SLC37A3: variants seen among roughly 807,000 people sequenced by gnomAD.
SLC37A3 encodes solute carrier family 37 member 3, also known as sugar phosphate exchanger 3.
SLC37A3 carries 51 observed loss-of-function variants against 67.1 expected under a neutral mutation model. That is an observed-to-expected ratio of 0.76 (90% confidence interval 0.61 to 0.96). The LOEUF is 0.96. SLC37A3 is among the 40% of genes least tolerant of loss of function. SLC37A3 has a pLI of 0.00. For missense variants in SLC37A3, 508 were observed against 603.0 expected (o/e 0.84, Z 1.65); for synonymous variants, 214 against 231.4 (o/e 0.92, Z 0.68).
chr7:140,362,404 G>A (rs1167093983), intron 5 of SLC37A3, among the ~76,000 whole-genome samples: 9 of 111,970 alleles, frequency 8.0e-5, no homozygotes, highest in Admixed American at 2.6e-4. Flanking sequence ...CAGCCGCCCC[G>A]TCCGGGAGGG....
chr7:140,360,165 T>C (rs556138941), intron 5 of SLC37A3, among the ~76,000 whole-genome samples: 7 of 152,184 alleles, frequency 4.6e-5, no homozygotes, highest in East Asian at 3.9e-4. Context: ...CTGGGCAATA[T>C]AGTGAGACCC....
intron 5 of SLC37A3, among the ~76,000 whole-genome samples, chr7:140,361,269 G>A (rs974312162): frequency 4.6e-5 from 7 of 151,514 alleles, no homozygotes; most frequent in Non-Finnish European, 4.4e-5. Context: ...GATCACCTGA[G>A]GTCGGGAGTT....
Position 140,351,264 on chromosome 7 carries a change from G to C in SLC37A3, c.882+9C>G, listed in dbSNP as rs111884910. 33 of 1,611,974 alleles carry C rather than the reference G, an allele frequency of 2.0e-5. No individual in the cohort carries two copies. The highest frequency in any genetic ancestry group is 2.7e-5 in the Non-Finnish European group (32 of 1,178,852). On this transcript the variant is annotated intron_variant, in intron 9 of 14. Coordinates refer to ENST00000326232, the MANE Select transcript of SLC37A3 (RefSeq NM_207113.3). ...TCCCTGGCTGTGGTAAGATGTAAGC[G>C]GTCCTTACCGGTATGACTCCAGGAA...
chr7:140,365,290 T>C (rs1797553468), intron 4 of SLC37A3, among the ~76,000 whole-genome samples: 1 of 152,208 alleles, frequency 6.6e-6, no homozygotes, highest in Admixed American at 6.5e-5. Context: ...GTGTTTCTAA[T>C]AAATTGACTA....
Position 140,348,609 on chromosome 7 carries a change from A to T in SLC37A3, c.1024+17T>A. The T allele has an allele frequency of 6.3e-7, 1 of 1,591,306 alleles. No individual in the cohort carries two copies. Among genetic ancestry groups the T allele is most frequent in the Non-Finnish European group, 8.5e-7 (1 of 1,172,730 alleles). On this transcript the variant is annotated intron_variant, in intron 10 of 14. Coordinates refer to ENST00000326232, the MANE Select transcript of SLC37A3 (RefSeq NM_207113.3). The stretch of plus-strand genomic sequence containing the variant: ...TGACTAACTCTTTATTATGGAAAAG[A>T]TGTATCACCGGCATACCTATGATCC...
intron 5 of SLC37A3, among the ~76,000 whole-genome samples, chr7:140,361,505 C>T (rs1390047658): frequency 3.4e-5 from 2 of 58,382 alleles, no homozygotes; most frequent in Non-Finnish European, 6.6e-5. Flanking sequence ...CTCCCCCTCC[C>T]CCTCCCCCTC....
chr7:140,364,582 A>G, intron 4 of SLC37A3, 91 bp from the exon 5 acceptor site: 1 of 1,192,018 alleles, frequency 8.4e-7, no homozygotes, highest in Non-Finnish European at 1.2e-6. Flanking sequence ...ACAAACACAG[A>G]TATTATTTAA....
chr7:140,335,159 T>C lies in SLC37A3; in HGVS notation c.*253A>G, dbSNP rs1436331596. 2.7e-6 allele frequency: 4 copies of C among 1,471,612 alleles called. No individual in the cohort carries two copies. The highest frequency in any genetic ancestry group is 2.0e-5 in the Admixed American group (1 of 50,746). The allele number at this position is 1,471,612 out of a possible 1,614,324, so 91.2% of individuals were successfully genotyped here. On this transcript the variant is annotated 3_prime_UTR_variant, in exon 15 of 15. Transcript: ENST00000326232. ...CGCGGGCAGAGTCAGAGGTCAAAGA[T>C]GCTGGCAGAGTCAGAAGTCACTCGG...
chr7:140,372,895 T>C (rs893312756), intron 3 of SLC37A3, among the ~76,000 whole-genome samples: 3 of 152,012 alleles, frequency 2.0e-5, no homozygotes, highest in African/African-American at 7.2e-5. Context: ...CGTAAGACTG[T>C]CCTTCATGAA....
chr7:140,347,922 G>A (rs574604098), intron 10 of SLC37A3, among the ~76,000 whole-genome samples: 2 of 152,148 alleles, frequency 1.3e-5, no homozygotes, highest in South Asian at 2.1e-4. Flanking sequence ...CATGACCCCC[G>A]TGGATACCTG....
chr7:140,360,078 G>A (rs1365889060), intron 5 of SLC37A3, among the ~76,000 whole-genome samples: 1 of 152,200 alleles, frequency 6.6e-6, no homozygotes, highest in East Asian at 1.9e-4. Context: ...CAAACGCAGG[G>A]ACTTGTGCCG....
intron 10 of SLC37A3, 161 bp downstream of exon 10, chr7:140,348,462 CTTT>C (rs66700092): frequency 1.0e-2 from 3,582 of 359,570 alleles, no homozygotes; most frequent in East Asian, 0.011. Flanking sequence ...CTTTTCTTTT[CTTT>C]TTTTTTTTTT....
chr7:140,337,176 G>C, intron 14 of SLC37A3, 108 bp downstream of exon 14: 1 of 627,564 alleles, frequency 1.6e-6, no homozygotes, highest in Admixed American at 3.9e-5. Flanking sequence ...TTTTCACAAA[G>C]GAGCCTTTAA....
chr7:140,340,335 C>A (rs375673760), intron 13 of SLC37A3, among the ~76,000 whole-genome samples: 119 of 149,896 alleles, frequency 7.9e-4, no homozygotes, highest in Middle Eastern at 3.4e-3. Context: ...TCAGCTCCAA[C>A]TTCATTCTTT....
At chr7:140,376,614 G>C (rs1199311047) in intron 3 of SLC37A3, among the ~76,000 whole-genome samples, 1 of 152,174 alleles carries the variant, frequency 6.6e-6, no homozygotes, top group Non-Finnish European at 1.5e-5. Context: ...GGGCTATCCA[G>C]GGGGGCAGGG....
At chr7:140,362,614 GCCC>G (rs1157725211) in intron 5 of SLC37A3, among the ~76,000 whole-genome samples, 1 of 72,280 alleles carries the variant, frequency 1.4e-5, no homozygotes, top group Non-Finnish European at 3.0e-5. Flanking sequence ...CTGCCCGGCT[GCCC>G]CTACTGGGAA....
intron 5 of SLC37A3, among the ~76,000 whole-genome samples, chr7:140,362,078 C>T (rs1797333814): frequency 8.4e-6 from 1 of 118,374 alleles, no homozygotes; most frequent in African/African-American, 3.2e-5. Flanking sequence ...CGTCTCTGCC[C>T]GGCCACCATC....
chr7:140,357,175 T>C (rs950559900), intron 6 of SLC37A3, among the ~76,000 whole-genome samples: 1 of 151,678 alleles, frequency 6.6e-6, no homozygotes. Context: ...GATCACGCCA[T>C]TGCACTCCAG....
At chr7:140,378,864 T>C (rs1034812379) in intron 3 of SLC37A3, among the ~76,000 whole-genome samples, 4 of 151,258 alleles carry the variant, frequency 2.6e-5, no homozygotes, top group African/African-American at 7.3e-5. Flanking sequence ...TTGGCCAACA[T>C]GGCGAAACCC....
Sources: gnomAD v4.1 joint callset for allele counts (sites outside exome capture counted in the v4.1 genomes callset) on GRCh38, gnomAD v4.1.1 for gene constraint, MANE v1.5 for transcripts, NCBI Gene and HGNC (gene_info 2026-07-23, HGNC 2026-07-21) for gene names.